PHRF1: variants seen among roughly 807,000 people sequenced by gnomAD.
PHRF1 encodes PHD and RING finger domain-containing protein 1.
A neutral mutation model predicts 128.9 loss-of-function variants in PHRF1; 53 were observed. The ratio of observed to expected loss-of-function variants is 0.41; its 90% confidence interval spans 0.33 to 0.52. PHRF1 has a LOEUF of 0.52. Among genes scored for constraint, PHRF1 ranks in the 20% least tolerant of loss-of-function variants. PHRF1 has a pLI of 0.21. For missense variants in PHRF1, 2,503 were observed against 2,284.5 expected (o/e 1.10, Z -1.95); for synonymous variants, 1,178 against 980.6 (o/e 1.20, Z -3.76).
intron 6 of PHRF1, among the ~76,000 whole-genome samples, chr11:593,847 C>G (rs138144082): frequency 2.0e-5 from 3 of 152,362 alleles, no homozygotes; most frequent in Admixed American, 6.5e-5. Flanking sequence ...ACCTCGCCGT[C>G]CCTCCTTTCT....
chr11:603,663 A>G (rs1265172553), intron 10 of PHRF1, among the ~76,000 whole-genome samples: 1 of 143,784 alleles, frequency 7.0e-6, no homozygotes, highest in Non-Finnish European at 1.5e-5. Context: ...ACTCAAGATT[A>G]TTGTTTATTT....
Position 607,725 on chromosome 11 carries a change from G to T in PHRF1, c.2269G>T (p.Gly757Cys), listed in dbSNP as rs774667698. The change falls in exon 14 of 18, where the codon GGC becomes TGC. Residue 757 changes from glycine (G) to cysteine (C), a missense_variant. Gly to Cys is a radical substitution (Grantham distance 159). Transcript: ENST00000264555. ...SSRPPAPSSHGSLAPLGPSRG... is the reference protein window; with the variant it reads ...SSRPPAPSSHCSLAPLGPSRG... ...CCGGCCCCCAGCCCCCAGCTCCCAT[G>T]GCAGTTTGGCCCCACTGGGACCATC... The T allele has an allele frequency of 1.1e-5, 17 of 1,612,014 alleles. No individual in the cohort carries two copies. The South Asian group carries it at 1.9e-4, about 18-fold the overall frequency.
intron 1 of PHRF1, among the ~76,000 whole-genome samples, chr11:577,990 G>T (rs1020060971): frequency 6.6e-6 from 1 of 152,276 alleles, no homozygotes; most frequent in African/African-American, 2.4e-5. Context: ...TGCTAGCCCA[G>T]CCAAAGGTGG....
At chr11:600,512 A>ATATATATATATATATATG (rs1437772767) in intron 9 of PHRF1, among the ~76,000 whole-genome samples, 142 of 144,514 alleles carry the variant, frequency 9.8e-4, no homozygotes, top group African/African-American at 3.5e-3. Flanking sequence ...ATATATATAT[A>ATATATATATATATATATG]TATATATGGT....
At chr11:603,725 G>GTTTTTTTTTTTTTTTTTTTTTTTT (rs1233128066) in intron 10 of PHRF1, among the ~76,000 whole-genome samples, 2 of 103,282 alleles carry the variant, frequency 1.9e-5, no homozygotes, top group East Asian at 3.0e-4. Flanking sequence ...CCATATTTAA[G>GTTTTTTTTTTTTTTTTTTTTTTTT]TTTGTTTTTT....
chr11:605,490 C>T (rs1855887210), intron 11 of PHRF1, 115 bp from the exon 12 acceptor site: 1 of 1,514,106 alleles, frequency 6.6e-7, no homozygotes, highest in Admixed American at 2.1e-5. Context: ...GCCCGAATCA[C>T]ACGTGCCGCC....
Position 607,050 on chromosome 11 carries a change from C to CT in PHRF1, c.1610-10dup. ...GTGGGTGGGAAATGATTGCCATTGA[C>CT]TTTTTTGTTTTTTAGCTCCAGTTTC... On this transcript the variant is annotated splice_polypyrimidine_tract_variant and intron_variant, in intron 13 of 17. Coordinates refer to ENST00000264555, the MANE Select transcript of PHRF1 (RefSeq NM_001286581.2). 1 of 1,545,090 alleles carries CT rather than the reference C, an allele frequency of 6.5e-7. No individual in the cohort carries two copies. The highest frequency in any genetic ancestry group is 1.2e-5 in the South Asian group (1 of 83,358).
Position 605,393 on chromosome 11 carries a change from G to A in PHRF1, c.1334+93G>A, listed in dbSNP as rs56695874. 7.7e-3 allele frequency: 11,802 copies of A among 1,525,280 alleles called. 757 individuals carry two copies. The African/African-American group carries it at 0.14, about 18-fold the overall frequency. 94.5% of individuals were successfully genotyped at this position (1,525,280 alleles called of 1,614,324 possible). A position where few individuals can be genotyped will look rare whatever the true frequency, so the allele number is the denominator to read the frequency against. ...CCCGAGGTGCATGCGGAGGCGTTAGGTTTTGTGTTTGAGAGTGAGGGTGGC... is the reference window on the plus strand; with the variant it reads ...CCCGAGGTGCATGCGGAGGCGTTAGATTTTGTGTTTGAGAGTGAGGGTGGC... On this transcript the variant is annotated intron_variant, in intron 11 of 17. Transcript: ENST00000264555.
At chr11:592,073 G>A (rs1038574375) in intron 5 of PHRF1, among the ~76,000 whole-genome samples, 2 of 152,036 alleles carry the variant, frequency 1.3e-5, no homozygotes, top group African/African-American at 4.8e-5. Context: ...CCGCCACCAC[G>A]CCCGGCTAAT....
In PHRF1 at chr11:582,094, G is replaced by C. The variant is rs1198145478; in HGVS notation, c.214+13G>C. The C allele has an allele frequency of 6.3e-7, 1 of 1,578,462 alleles. No individual in the cohort carries two copies. Among genetic ancestry groups the C allele is most frequent in the African/African-American group, 1.3e-5 (1 of 74,138 alleles). On this transcript the variant is annotated intron_variant, in intron 3 of 17. Transcript: ENST00000264555. ...GAAGACAGATCTGGTGAGACAGCTG[G>C]TGTTCACGCCGGCTCCTGTGTTTCC...
At chr11:605,979 C>G (rs769193051) in intron 12 of PHRF1, among the ~76,000 whole-genome samples, 10 of 152,230 alleles carry the variant, frequency 6.6e-5, no homozygotes, top group Non-Finnish European at 1.5e-4. Flanking sequence ...CTCTGCCCCC[C>G]ACCCCGGCCT....
At chr11:583,814 G>C (rs964826606) in intron 3 of PHRF1, among the ~76,000 whole-genome samples, 1 of 152,322 alleles carries the variant, frequency 6.6e-6, no homozygotes, top group African/African-American at 2.4e-5. Context: ...CACCCTCGGT[G>C]GTGCACAGCC....
chr11:586,024 G>T (rs1218302582), intron 3 of PHRF1, among the ~76,000 whole-genome samples: 1 of 152,060 alleles, frequency 6.6e-6, no homozygotes, highest in Non-Finnish European at 1.5e-5. Flanking sequence ...ACCACACCCG[G>T]CTATTTTTGT....
At chr11:603,045 C>T (rs1235199692) in intron 10 of PHRF1, among the ~76,000 whole-genome samples, 1 of 151,974 alleles carries the variant, frequency 6.6e-6, no homozygotes, top group African/African-American at 2.4e-5. Context: ...CAGGAGTGAG[C>T]CACCGTGCCC....
rs777183085 is a variant in PHRF1 at position 606,588 on chromosome 11, A to G, written c.1601A>G (p.Lys534Arg). The G allele has an allele frequency of 3.2e-5, 51 of 1,604,402 alleles. No individual in the cohort carries two copies. Among genetic ancestry groups the G allele is most frequent in the Non-Finnish European group, 4.2e-5 (49 of 1,176,092 alleles). The change falls in exon 13 of 18, where the codon AAG (lysine) becomes AGG (arginine). Residue 534 changes from lysine (K) to arginine (R), a missense_variant. Lys to Arg is a conservative substitution (Grantham distance 26). Transcript: ENST00000264555. ...CACCGCGACGGCTCCCTCAGCGCCAAGAGGGCGGGTGAGTGCCTTCCCTGC... is the reference window on the plus strand; with the variant it reads ...CACCGCGACGGCTCCCTCAGCGCCAGGAGGGCGGGTGAGTGCCTTCCCTGC... ...IIHRDGSLSA[K>R]RAAPVSFQRN...
rs939342514 is a variant in PHRF1 at position 610,403 on chromosome 11, C to G, written c.4416+56C>G. On this transcript the variant is annotated intron_variant, in intron 15 of 17. Coordinates refer to ENST00000264555, the MANE Select transcript of PHRF1 (RefSeq NM_001286581.2). ...GTGGGCAGTGGCCTGGCACCCGTGC[C>G]ACACACACCACACTAGGCTGGGGCT... 5.2e-6 allele frequency: 8 copies of G among 1,535,580 alleles called. No homozygotes were observed. The Admixed American group carries it at 1.2e-4, about 22-fold the overall frequency.
chr11:605,388 G>A (rs1042349491), intron 11 of PHRF1, 88 bp downstream of exon 11: 37 of 1,529,564 alleles, frequency 2.4e-5, no homozygotes, highest in African/African-American at 2.3e-4. Flanking sequence ...ATGCGGAGGC[G>A]TTAGGTTTTG....
rs564157736 is a variant in PHRF1 at position 592,543 on chromosome 11, G to A, written c.505-16G>A. 9.9e-6 allele frequency: 16 copies of A among 1,612,756 alleles called. No individual in the cohort carries two copies. Among genetic ancestry groups the A allele is most frequent in the African/African-American group, 5.3e-5 (4 of 75,040 alleles). On this transcript the variant is annotated splice_polypyrimidine_tract_variant and intron_variant, in intron 5 of 17. Transcript: ENST00000264555. ...GTTTGGGTCCTGTGTGGTGGTGACC[G>A]ACGATTCTGTCCTAGATCCCAGTGG...
intron 4 of PHRF1, among the ~76,000 whole-genome samples, chr11:589,709 G>C (rs1854819400): frequency 6.6e-6 from 1 of 152,284 alleles, no homozygotes; most frequent in African/African-American, 2.4e-5. Flanking sequence ...GTAGCTCTGT[G>C]ATAAGAAAAG....
Sources: gnomAD v4.1 joint callset for allele counts (sites outside exome capture counted in the v4.1 genomes callset) on GRCh38, gnomAD v4.1.1 for gene constraint, MANE v1.5 for transcripts, NCBI Gene and HGNC (gene_info 2026-07-23, HGNC 2026-07-21) for gene names.